The following CHRNA7 variants were observed in gnomAD, a reference collection of about 807,000 sequenced individuals.
CHRNA7 encodes cholinergic receptor nicotinic alpha 7 subunit, also known as neuronal acetylcholine receptor subunit alpha-7.
In CHRNA7, 17 loss-of-function variants were observed where a neutral mutation model predicts 48.0. The observed-to-expected ratio is 0.35, with a 90% CI of 0.24 to 0.53. The LOEUF is 0.53. CHRNA7 is among the 20% of genes least tolerant of loss of function. CHRNA7 has a pLI of 0.92. For synonymous variants in CHRNA7, 75 were observed against 242.3 expected, an observed-to-expected ratio of 0.31 and a Z score of 6.41; for missense variants, 155 against 577.7, an observed-to-expected ratio of 0.27 and a Z score of 7.50.
chr15:32,131,788 G>A (rs534445159), intron 4 of CHRNA7, among the ~76,000 whole-genome samples: 3 of 152,256 alleles, frequency 2.0e-5, no homozygotes, highest in Non-Finnish European at 4.4e-5. Context: ...GAGACTCCAA[G>A]TCTTATTTCA....
Position 32,060,358 on chromosome 15 carries a change from G to A in CHRNA7, c.195+29321G>A, listed in dbSNP as rs970456820. 3.2e-4 allele frequency among the ~76,000 whole-genome samples: 49 copies of A among 152,158 alleles called. No homozygotes were observed. The East Asian group carries it at 3.5e-3, about 11-fold the overall frequency. On this transcript the variant is annotated intron_variant, in intron 2 of 9. Transcript: ENST00000306901. ...CATACCTGTGTGTGTGTGTGCACGCGCACACACGCACGCATATGGACTGAT... is the reference window on the plus strand; with the variant it reads ...CATACCTGTGTGTGTGTGTGCACGCACACACACGCACGCATATGGACTGAT...
intron 5 of CHRNA7, among the ~76,000 whole-genome samples, chr15:32,154,856 C>A (rs1334379623): frequency 3.0e-4 from 21 of 70,464 alleles, no homozygotes; most frequent in Admixed American, 3.7e-4. Flanking sequence ...ACCACTCACC[C>A]CTCACACACA....
intron 4 of CHRNA7, among the ~76,000 whole-genome samples, chr15:32,116,644 G>A (rs769263186): frequency 1.6e-4 from 25 of 152,212 alleles, no homozygotes; most frequent in Non-Finnish European, 2.6e-4. Context: ...TCAGCAGTCC[G>A]CTTGCAGAAG....
At chr15:32,137,335 A>ACCC (rs75689039) in intron 4 of CHRNA7, among the ~76,000 whole-genome samples, 6 of 140,272 alleles carry the variant, frequency 4.3e-5, no homozygotes, top group Admixed American at 7.0e-5. Context: ...TGTTTACAAC[A>ACCC]CCCCCCCCCC....
chr15:32,103,425 AAG>A (rs1491040202), intron 3 of CHRNA7, among the ~76,000 whole-genome samples: 7 of 149,208 alleles, frequency 4.7e-5, no homozygotes, highest in African/African-American at 1.2e-4. Context: ...AAAAAAAAAA[AAG>A]AAAGAAAAAG....
intron 4 of CHRNA7, among the ~76,000 whole-genome samples, chr15:32,122,887 C>CAA (rs61151556): frequency 2.7e-3 from 289 of 107,904 alleles, no homozygotes; most frequent in African/African-American, 5.6e-3. Context: ...GCTCTCAAAG[C>CAA]AAAAAAAAAA....
intron 5 of CHRNA7, among the ~76,000 whole-genome samples, chr15:32,154,760 C>T (rs1276266000): frequency 2.9e-5 from 4 of 139,128 alleles, no homozygotes; most frequent in Non-Finnish European, 6.0e-5. Flanking sequence ...CTGCAATTAC[C>T]TCCACACCTA....
At chr15:32,100,428 A>T (rs2050550524) in intron 2 of CHRNA7, 1 of 152,648 alleles carries the variant, frequency 6.6e-6, no homozygotes, top group South Asian at 2.1e-4. Context: ...GCCTCCTTTC[A>T]CTGGGCTTGG....
chr15:32,036,086 T>C (rs1902070157), intron 2 of CHRNA7, among the ~76,000 whole-genome samples: 1 of 152,236 alleles, frequency 6.6e-6, no homozygotes, highest in Admixed American at 6.5e-5. Flanking sequence ...TCTCCCTGCT[T>C]ATCACTACCT....
At chr15:32,106,210 C>T (rs2050666716) in intron 3 of CHRNA7, among the ~76,000 whole-genome samples, 1 of 151,492 alleles carries the variant, frequency 6.6e-6, no homozygotes, top group South Asian at 2.1e-4. Flanking sequence ...AAATGTGGGC[C>T]GGGGGCAGAG....
chr15:32,046,917 T>G (rs984436966), intron 2 of CHRNA7, among the ~76,000 whole-genome samples: 202 of 151,840 alleles, frequency 1.3e-3, no homozygotes, highest in African/African-American at 4.8e-3. Flanking sequence ...CACCATTTAT[T>G]AAATAGGGAA....
At chr15:32,119,221 G>T (rs8024754) in intron 4 of CHRNA7, among the ~76,000 whole-genome samples, 1,753 of 152,266 alleles carry the variant, frequency 0.012, 26 homozygotes, top group African/African-American at 0.04. Flanking sequence ...TTCCCCTGTT[G>T]ACAGATTCAG....
intron 2 of CHRNA7, among the ~76,000 whole-genome samples, chr15:32,092,844 T>TG (rs1182380239): frequency 6.6e-6 from 1 of 152,200 alleles, no homozygotes; most frequent in East Asian, 1.9e-4. Flanking sequence ...AGGGCTCTGT[T>TG]GGGGTCTCCT....
chr15:32,036,549 A>G (rs1375453943), intron 2 of CHRNA7, among the ~76,000 whole-genome samples: 1 of 152,224 alleles, frequency 6.6e-6, no homozygotes, highest in Admixed American at 6.5e-5. Context: ...CATTCTCACC[A>G]GCAATGAATG....
chr15:32,051,993 T>G (rs925850410), intron 2 of CHRNA7, among the ~76,000 whole-genome samples: 1 of 152,156 alleles, frequency 6.6e-6, no homozygotes, highest in African/African-American at 2.4e-5. Flanking sequence ...TCAGTAAGTC[T>G]TGAGCTCAAA....
At chr15:32,069,543 A>C (rs575920714) in intron 2 of CHRNA7, among the ~76,000 whole-genome samples, 3 of 152,314 alleles carry the variant, frequency 2.0e-5, no homozygotes, top group Middle Eastern at 6.8e-3. Context: ...ACTCCTCAGG[A>C]GGCTGAGGCA....
At chr15:32,113,214 G>A (rs1655504724) in intron 4 of CHRNA7, among the ~76,000 whole-genome samples, 1 of 152,132 alleles carries the variant, frequency 6.6e-6, no homozygotes, top group Non-Finnish European at 1.5e-5. Context: ...CTCCTTGGCT[G>A]GTAGATGGCT....
intron 2 of CHRNA7, among the ~76,000 whole-genome samples, chr15:32,084,855 G>A (rs897886779): frequency 2.7e-5 from 4 of 147,096 alleles, no homozygotes; most frequent in East Asian, 2.0e-4. Context: ...TTTTTGAGAC[G>A]GAATTCTGCT....
Position 32,130,796 on chromosome 15 carries a change from G to GT in CHRNA7, c.350+18904dup, listed in dbSNP as rs547010212. Among the ~76,000 whole-genome samples the GT allele has an allele frequency of 6.5e-4, 98 of 151,474 alleles. No individual in the cohort carries two copies. In the East Asian group the frequency reaches 0.018, roughly 28 times the overall value. ...TAAATTTTCTCTTCCTTCTTTTATT[G>GT]TTTTTTTCTCTCTTTCAAGAACTTC... On this transcript the variant is annotated intron_variant, in intron 4 of 9. Coordinates refer to ENST00000306901, the MANE Select transcript of CHRNA7 (RefSeq NM_000746.6).
Sources: gnomAD v4.1 joint callset for allele counts (sites outside exome capture counted in the v4.1 genomes callset) on GRCh38, gnomAD v4.1.1 for gene constraint, MANE v1.5 for transcripts, NCBI Gene and HGNC (gene_info 2026-07-23, HGNC 2026-07-21) for gene names.